The following SMAD3 variants were observed in gnomAD, a reference collection of about 807,000 sequenced individuals.
SMAD3 encodes the protein MAD homolog 3.
In SMAD3, 12 loss-of-function variants were observed where a neutral mutation model predicts 51.8. That is an observed-to-expected ratio of 0.23 (90% confidence interval 0.15 to 0.38). The LOEUF (loss-of-function observed/expected upper bound fraction) is 0.38. SMAD3 is among the 10% of genes least tolerant of loss of function. The probability of loss-of-function intolerance (pLI) is 1.00; values close to 1 mark genes in which losing one functional copy is unlikely to be tolerated. For missense variants in SMAD3, 294 were observed against 565.6 expected, an observed-to-expected ratio of 0.52 and a Z score of 4.87; for synonymous variants, 238 against 227.7, an observed-to-expected ratio of 1.05 and a Z score of -0.41.
chr15:67,138,093 A>G (rs1356547633), intron 1 of SMAD3: 3 of 1,551,304 alleles, frequency 1.9e-6, no homozygotes, highest in Non-Finnish European at 1.7e-6. Context: ...AGCATGGTGG[A>G]TGGGGAGGTA....
At chr15:67,128,393 C>G (rs959307494) in intron 1 of SMAD3, among the ~76,000 whole-genome samples, 2 of 152,146 alleles carry the variant, frequency 1.3e-5, no homozygotes, top group South Asian at 4.1e-4. Flanking sequence ...TTGGCCGAGT[C>G]CCTCAACCTT....
At chr15:67,138,066 G>C (rs1481516589) in intron 1 of SMAD3, 9 of 1,551,712 alleles carry the variant, frequency 5.8e-6, no homozygotes. Flanking sequence ...GAAAGGCGCA[G>C]CTCTGGTACA....
At chr15:67,107,957 C>A in intron 1 of SMAD3, among the ~76,000 whole-genome samples, 1 of 93,562 alleles carries the variant, frequency 1.1e-5, no homozygotes, top group Admixed American at 1.1e-4. Context: ...CCTGGATCTG[C>A]TCTCCTCTCC....
In SMAD3 at chr15:67,191,035, G is replaced by GGCCCCCCC; in HGVS notation, c.*499_*500insGCCCCCCC. 2 of 224,534 alleles carry GGCCCCCCC rather than the reference G, an allele frequency of 8.9e-6. No homozygotes were observed. The highest frequency in any genetic ancestry group is 8.8e-6 in the Non-Finnish European group (1 of 114,168). The allele number at this position is 224,534 out of a possible 1,614,324, so 13.9% of individuals were successfully genotyped here. ...TCTTCCAGTGAACATTCCCAGCCCA[G>GGCCCCCCC]CCCCGCCCCGCCCCGCCCCACCACT... On this transcript the variant is annotated 3_prime_UTR_variant, in exon 9 of 9. Transcript: ENST00000327367.
rs536824265 is a variant in SMAD3 at position 67,184,877 on chromosome 15, C to T, written c.1009+13C>T. On this transcript the variant is annotated intron_variant, in intron 7 of 8. Coordinates refer to ENST00000327367, the MANE Select transcript of SMAD3 (RefSeq NM_005902.4). ...AAGATCCCACCAGGTAAACGAGCCGCACAGGCACCCCTGCCTTGAGGTCCC... is the reference window on the plus strand; with the variant it reads ...AAGATCCCACCAGGTAAACGAGCCGTACAGGCACCCCTGCCTTGAGGTCCC... The T allele has an allele frequency of 5.0e-6, 8 of 1,612,416 alleles. No individual in the cohort carries two copies. In the African/African-American group the frequency reaches 5.3e-5, roughly 11 times the overall value.
chr15:67,142,527 A>G (rs1961858031), intron 1 of SMAD3, among the ~76,000 whole-genome samples: 1 of 152,040 alleles, frequency 6.6e-6, no homozygotes, highest in South Asian at 2.1e-4. Flanking sequence ...TAAGTGTGTT[A>G]AGTGCTTTTT....
intron 1 of SMAD3, among the ~76,000 whole-genome samples, chr15:67,072,547 A>G (rs1260375958): frequency 6.6e-6 from 1 of 152,250 alleles, no homozygotes; most frequent in East Asian, 1.9e-4. Context: ...AGCAAAACTT[A>G]AAGACTCCAT....
chr15:67,075,530 C>T (rs1420831781), intron 1 of SMAD3, among the ~76,000 whole-genome samples: 1 of 152,188 alleles, frequency 6.6e-6, no homozygotes, highest in Non-Finnish European at 1.5e-5. Context: ...CAGTTATTAG[C>T]TATGTGGTGA....
intron 1 of SMAD3, among the ~76,000 whole-genome samples, chr15:67,083,158 G>T (rs1304070442): frequency 6.6e-6 from 1 of 152,232 alleles, no homozygotes; most frequent in African/African-American, 2.4e-5. Flanking sequence ...AGTTGCCGCA[G>T]TGCGAGGCTG....
At chr15:67,160,066 A>G (rs942191776) in intron 1 of SMAD3, among the ~76,000 whole-genome samples, 10 of 152,340 alleles carry the variant, frequency 6.6e-5, no homozygotes, top group Middle Eastern at 3.4e-3. Context: ...CTTTTTAAGA[A>G]ACTTCCAAAT....
intron 1 of SMAD3, among the ~76,000 whole-genome samples, chr15:67,091,193 A>G (rs754269002): frequency 1.3e-5 from 2 of 152,194 alleles, no homozygotes; most frequent in Non-Finnish European, 2.9e-5. Context: ...GGCTGAACCA[A>G]GTCCCCTTAT....
intron 1 of SMAD3, among the ~76,000 whole-genome samples, chr15:67,083,096 C>A (rs1960312791): frequency 6.6e-6 from 1 of 152,182 alleles, no homozygotes; most frequent in Admixed American, 6.5e-5. Flanking sequence ...CTGGAAAATT[C>A]TTCAGTTTCC....
intron 1 of SMAD3, among the ~76,000 whole-genome samples, chr15:67,126,977 C>G: frequency 6.6e-6 from 1 of 152,276 alleles, no homozygotes; most frequent in African/African-American, 2.4e-5. Context: ...GCAGCTCTTA[C>G]GGCCACTGCC....
rs567285162 is a variant in SMAD3, at chr15:67,154,766, C to T, written c.207-10129C>T. On this transcript the variant is annotated intron_variant, in intron 1 of 8. Coordinates refer to ENST00000327367, the MANE Select transcript of SMAD3 (RefSeq NM_005902.4). Reference sequence around the variant, plus strand: ...ATACTACTACTAATCGTAATATAATCAAATTATATGTCTTTCAACCAGAGT... The same window carrying T: ...ATACTACTACTAATCGTAATATAATTAAATTATATGTCTTTCAACCAGAGT... 2.6e-5 allele frequency among the ~76,000 whole-genome samples: 4 copies of T among 152,222 alleles called. No individual in the cohort carries two copies. The East Asian group carries it at 7.7e-4, about 29-fold the overall frequency.
chr15:67,097,339 T>C (rs969066668), intron 1 of SMAD3, among the ~76,000 whole-genome samples: 2 of 152,144 alleles, frequency 1.3e-5, no homozygotes, highest in Non-Finnish European at 2.9e-5. Context: ...CTCAGCCTCC[T>C]GAGTAGCTTG....
chr15:67,184,975 T>C, intron 7 of SMAD3, 111 bp downstream of exon 7: 1 of 1,386,198 alleles, frequency 7.2e-7, no homozygotes, highest in East Asian at 2.3e-5. Flanking sequence ...ATGATTGCGT[T>C]GTCAATCTGG....
chr15:67,189,424 C>T (rs1021218181), intron 8 of SMAD3, among the ~76,000 whole-genome samples: 1 of 152,226 alleles, frequency 6.6e-6, no homozygotes, highest in African/African-American at 2.4e-5. Flanking sequence ...GGAAGAGGCT[C>T]TTTGGTGGCA....
At chr15:67,133,760 C>A (rs910765534) in intron 1 of SMAD3, among the ~76,000 whole-genome samples, 1 of 152,122 alleles carries the variant, frequency 6.6e-6, no homozygotes, top group South Asian at 2.1e-4. Context: ...GAAGAGAGCA[C>A]TTTTTCAACA....
intron 1 of SMAD3, among the ~76,000 whole-genome samples, chr15:67,084,379 C>G (rs966597985): frequency 1.3e-5 from 2 of 152,012 alleles, no homozygotes; most frequent in African/African-American, 4.8e-5. Flanking sequence ...CCGTGCCTGG[C>G]CAGTCTCAGA....
Sources: allele counts gnomAD v4.1 joint callset (sites outside exome capture counted in the v4.1 genomes callset), GRCh38; gene constraint gnomAD v4.1.1; transcripts MANE v1.5; gene names NCBI Gene and HGNC (gene_info 2026-07-23, HGNC 2026-07-21).